The following NEGR1 variants were observed in gnomAD, a reference collection of about 807,000 sequenced individuals.
NEGR1 encodes the protein IgLON family member 4.
Under a neutral mutation model 40.9 loss-of-function variants are expected in NEGR1, and 10 were observed. That is an observed-to-expected ratio of 0.24 (90% CI 0.15 to 0.42). NEGR1 has a LOEUF of 0.42. NEGR1 is among the 10% of genes least tolerant of loss of function. The pLI is 1.00. For synonymous variants in NEGR1, 185 were observed against 166.8 expected (o/e 1.11, Z -0.84); for missense variants, 352 against 438.9 (o/e 0.80, Z 1.77).
chr1:72,200,749 A>G (rs185970330), intron 1 of NEGR1, among the ~76,000 whole-genome samples: 1 of 152,140 alleles, frequency 6.6e-6, no homozygotes, highest in Admixed American at 6.6e-5. Context: ...ATATTTAGAA[A>G]TTAGAAGTAG....
chr1:72,175,695 C>G (rs780992767), intron 1 of NEGR1, among the ~76,000 whole-genome samples: 1 of 150,602 alleles, frequency 6.6e-6, no homozygotes, highest in African/African-American at 2.4e-5. Context: ...AAAAAAAAAA[C>G]ACATGTGAAC....
chr1:72,056,456 T>A (rs1484933440), intron 1 of NEGR1, among the ~76,000 whole-genome samples: 1 of 151,450 alleles, frequency 6.6e-6, no homozygotes, highest in South Asian at 2.1e-4. Flanking sequence ...TCTTCTAAAC[T>A]TCTCAGAGTT....
intron 1 of NEGR1, among the ~76,000 whole-genome samples, chr1:72,104,467 AG>A (rs1174095690): frequency 6.6e-6 from 1 of 152,136 alleles, no homozygotes; most frequent in African/African-American, 2.4e-5. Flanking sequence ...CAGTTGAAAA[AG>A]GCAAGGAGAA....
At position 72,009,533 on chromosome 1, in the gene NEGR1, A is replaced by G. The variant is rs999368682; in HGVS notation, c.177-74222T>C. Among the ~76,000 whole-genome samples, 9 of 152,250 alleles carry G rather than the reference A, an allele frequency of 5.9e-5. No homozygotes were observed. In the South Asian group the frequency reaches 6.2e-4, roughly 11 times the overall value. On this transcript the variant is annotated intron_variant, in intron 1 of 6. Transcript: ENST00000357731. ...AAAGTACGATCTTAAGATAAAAAAA[A>G]ATACTCTTTGGACAAAGCAGTCTTC...
rs373649391 is a variant in NEGR1, at chr1:71,994,661, G to T, written c.177-59350C>A. ...TTATACACAAGTTTGGTGTGTCATT[G>T]TTTATTTTCCGCATGGTTTTGTCTA... On this transcript the variant is annotated intron_variant, in intron 1 of 6. Coordinates refer to ENST00000357731, the MANE Select transcript of NEGR1 (RefSeq NM_173808.3). Among the ~76,000 whole-genome samples the T allele has an allele frequency of 9.9e-5, 15 of 152,150 alleles. No homozygotes were observed. The East Asian group carries it at 2.9e-3, about 29-fold the overall frequency.
At chr1:71,820,905 G>A (rs1179232131) in intron 2 of NEGR1, among the ~76,000 whole-genome samples, 1 of 151,906 alleles carries the variant, frequency 6.6e-6, no homozygotes, top group Non-Finnish European at 1.5e-5. Context: ...CTGAACCCTG[G>A]AAAAACAAGA....
At chr1:71,857,454 A>AG (rs1659809768) in intron 2 of NEGR1, among the ~76,000 whole-genome samples, 1 of 129,570 alleles carries the variant, frequency 7.7e-6, no homozygotes, top group Non-Finnish European at 1.7e-5. Flanking sequence ...TCTACAAAAA[A>AG]TACAAAAAAA....
chr1:71,805,285 T>C (rs1432996925), intron 2 of NEGR1, among the ~76,000 whole-genome samples: 1 of 152,192 alleles, frequency 6.6e-6, no homozygotes, highest in Non-Finnish European at 1.5e-5. Flanking sequence ...TCTTATTACC[T>C]TGTGAAGCAT....
At position 71,611,291 on chromosome 1, in the gene NEGR1, A is replaced by G. The variant is rs554178019; in HGVS notation, c.668-145T>C. 3.4e-5 allele frequency: 24 copies of G among 706,646 alleles called. No homozygotes were observed. In the South Asian group the frequency reaches 3.4e-4, roughly 10 times the overall value. 43.8% of individuals were successfully genotyped at this position (706,646 alleles called of 1,614,324 possible). On this transcript the variant is annotated intron_variant, in intron 4 of 6. Coordinates refer to ENST00000357731, the MANE Select transcript of NEGR1 (RefSeq NM_173808.3). ...CAACGCATCACATTTTCAGTGTTTT[A>G]TGCTTCAAATACAAGACTAGTCATT... is the stretch of plus-strand genomic sequence containing the variant.
At chr1:71,684,250 G>A (rs1336268975) in intron 4 of NEGR1, among the ~76,000 whole-genome samples, 1 of 151,832 alleles carries the variant, frequency 6.6e-6, no homozygotes, top group Non-Finnish European at 1.5e-5. Flanking sequence ...CAGCCTGAGT[G>A]ACACAGCAAG....
chr1:71,819,123 G>C (rs1313888214), intron 2 of NEGR1, among the ~76,000 whole-genome samples: 3 of 151,938 alleles, frequency 2.0e-5, no homozygotes, highest in East Asian at 2.0e-4. Flanking sequence ...TAGAAACACA[G>C]AAAAAGTGAT....
intron 6 of NEGR1, among the ~76,000 whole-genome samples, chr1:71,534,062 T>C (rs796216060): frequency 2.6e-5 from 4 of 151,804 alleles, no homozygotes; most frequent in African/African-American, 9.6e-5. Context: ...AAGATTCTTA[T>C]GTAAAATCTT....
intron 2 of NEGR1, among the ~76,000 whole-genome samples, chr1:71,825,137 T>C (rs1434637521): frequency 6.6e-6 from 1 of 151,974 alleles, no homozygotes; most frequent in Non-Finnish European, 1.5e-5. Context: ...GTTCCATATC[T>C]CTGTCAACAC....
intron 4 of NEGR1, among the ~76,000 whole-genome samples, chr1:71,650,447 G>A (rs1261301571): frequency 6.6e-6 from 1 of 152,132 alleles, no homozygotes; most frequent in African/African-American, 2.4e-5. Context: ...GTAAGAACAA[G>A]TTTCACATTT....
chr1:71,788,953 T>C (rs1054800713), intron 2 of NEGR1, among the ~76,000 whole-genome samples: 2 of 152,030 alleles, frequency 1.3e-5, no homozygotes, highest in African/African-American at 4.8e-5. Context: ...AGATTAAAAA[T>C]ACAATTATAT....
At chr1:71,627,190 T>G (rs901959097) in intron 4 of NEGR1, among the ~76,000 whole-genome samples, 5 of 152,172 alleles carry the variant, frequency 3.3e-5, no homozygotes, top group Admixed American at 3.3e-4. Flanking sequence ...TAAAGACACA[T>G]GCACATGTAT....
intron 1 of NEGR1, among the ~76,000 whole-genome samples, chr1:71,988,310 C>A (rs186920695): frequency 1.1e-4 from 17 of 151,980 alleles, no homozygotes; most frequent in Non-Finnish European, 1.9e-4. Context: ...GAGGCCGAGG[C>A]GGGTGGATTA....
chr1:72,098,338 T>C (rs142258547), intron 1 of NEGR1, among the ~76,000 whole-genome samples: 8 of 152,260 alleles, frequency 5.3e-5, no homozygotes, highest in African/African-American at 1.9e-4. Flanking sequence ...TAGGAAACAA[T>C]ACTGGAAACA....
intron 1 of NEGR1, among the ~76,000 whole-genome samples, chr1:72,249,857 T>C (rs982162681): frequency 2.6e-5 from 4 of 152,146 alleles, no homozygotes; most frequent in Non-Finnish European, 5.9e-5. Context: ...AAAGCAACTA[T>C]TATTTTGCAC....
Sources: gnomAD v4.1 joint callset for allele counts (sites outside exome capture counted in the v4.1 genomes callset) on GRCh38, gnomAD v4.1.1 for gene constraint, MANE v1.5 for transcripts, NCBI Gene and HGNC (gene_info 2026-07-23, HGNC 2026-07-21) for gene names.